LRRC4C: variants seen among roughly 807,000 people sequenced by gnomAD.
The protein encoded by LRRC4C is leucine-rich repeat-containing protein 4C.
LRRC4C carries 5 observed loss-of-function variants against 33.6 expected under a neutral mutation model. The ratio of observed to expected loss-of-function variants is 0.15; its 90% CI spans 0.08 to 0.31. LRRC4C has a LOEUF of 0.31. Among genes scored for constraint, LRRC4C ranks in the 10% least tolerant of loss-of-function variants. The probability of loss-of-function intolerance (pLI) is 1.00; values close to 1 mark genes in which losing one functional copy is unlikely to be tolerated. For synonymous variants in LRRC4C, 329 were observed against 302.0 expected, an observed-to-expected ratio of 1.09 and a Z score of -0.93; for missense variants, 560 against 796.7, an observed-to-expected ratio of 0.70 and a Z score of 3.58.
At chr11:40,451,963 C>A (rs532920641) in intron 3 of LRRC4C, among the ~76,000 whole-genome samples, 1 of 152,020 alleles carries the variant, frequency 6.6e-6, no homozygotes, top group South Asian at 2.1e-4. Flanking sequence ...GTGCAGCACA[C>A]AGAGCTTGAG....
In LRRC4C at chr11:40,633,353, CTTTCTTTCTTTCTT is replaced by C. The variant is rs1265772908; in HGVS notation, c.-270+14775_-270+14788del. Among the ~76,000 whole-genome samples the C allele has an allele frequency of 4.4e-3, 173 of 39,420 alleles. 2 individuals carry two copies. Among genetic ancestry groups the C allele is most frequent in the Middle Eastern group, 0.02 (2 of 102 alleles). The allele number at this position is 39,420 out of a possible 152,430, so 25.9% of individuals were successfully genotyped here. ...TCTTTCTTTCTTTCTTTCTTTCTTTCTTTCTTTCTTTCTTTCTTTCTCTCTCTTTCTTTCTTTCT... is the reference window on the plus strand; with the variant it reads ...TCTTTCTTTCTTTCTTTCTTTCTTTCTCTTTCTCTCTCTTTCTTTCTTTCT... On this transcript the variant is annotated intron_variant, in intron 3 of 6. Coordinates refer to ENST00000528697, the MANE Select transcript of LRRC4C (RefSeq NM_001258419.2).
chr11:41,018,957 C>T (rs1855774014), intron 1 of LRRC4C, among the ~76,000 whole-genome samples: 1 of 152,112 alleles, frequency 6.6e-6, no homozygotes, highest in Admixed American at 6.5e-5. Flanking sequence ...CATTTACAAA[C>T]CTATTACAAT....
At chr11:41,281,042 T>TTCTCCCTCTCTC (rs1949647373) in intron 1 of LRRC4C, among the ~76,000 whole-genome samples, 1 of 76,194 alleles carries the variant, frequency 1.3e-5, no homozygotes, top group Non-Finnish European at 2.3e-5. Flanking sequence ...AATACATATT[T>TTCTCCCTCTCTC]TCTCTCTCTC....
rs186673085 is a variant in LRRC4C, at chr11:41,147,178, T to G, written c.-495-213455A>C. Among the ~76,000 whole-genome samples the G allele has an allele frequency of 1.6e-3, 248 of 152,332 alleles. 1 individual carries two copies. Among genetic ancestry groups the G allele is most frequent in the African/African-American group, 5.7e-3 (237 of 41,584 alleles). On this transcript the variant is annotated intron_variant, in intron 1 of 6. Transcript: ENST00000528697. ...CTCTTTTTGGTATTCCATAAATGAT[T>G]CCCTTCTGAGTTGAGTGTTAACTAT...
At chr11:40,196,266 C>A (rs571718995) in intron 5 of LRRC4C, among the ~76,000 whole-genome samples, 2 of 152,254 alleles carry the variant, frequency 1.3e-5, no homozygotes, top group Admixed American at 1.3e-4. Flanking sequence ...ACCTGGGACA[C>A]ACAGGAACAA....
chr11:41,308,865 C>T (rs924096341), intron 1 of LRRC4C, among the ~76,000 whole-genome samples: 2 of 151,278 alleles, frequency 1.3e-5, no homozygotes, highest in Admixed American at 6.6e-5. Context: ...AGTGCAGTGG[C>T]GCAATCTTAG....
chr11:41,279,224 G>A (rs938304716), intron 1 of LRRC4C, among the ~76,000 whole-genome samples: 2 of 152,042 alleles, frequency 1.3e-5, no homozygotes, highest in African/African-American at 4.8e-5. Context: ...GGGCATCTAG[G>A]TTGATTCCAT....
chr11:40,226,568 T>C (rs192030552), intron 5 of LRRC4C, among the ~76,000 whole-genome samples: 287 of 152,282 alleles, frequency 1.9e-3, no homozygotes, highest in Admixed American at 3.9e-3. Flanking sequence ...TGCTTGAAAG[T>C]GGTCTGAGGC....
At chr11:41,448,521 G>T (rs1244372589) in intron 1 of LRRC4C, among the ~76,000 whole-genome samples, 1 of 151,908 alleles carries the variant, frequency 6.6e-6, no homozygotes, top group Non-Finnish European at 1.5e-5. Flanking sequence ...TGCCAAGCTG[G>T]TCTCTAACTC....
intron 1 of LRRC4C, among the ~76,000 whole-genome samples, chr11:41,278,273 A>ACGG (rs79727409): frequency 0.046 from 6,963 of 152,282 alleles, 199 homozygotes; most frequent in South Asian, 0.074. Context: ...TGTATACAGT[A>ACGG]CATCACTTAA....
chr11:40,992,432 T>A (rs1040152300), intron 1 of LRRC4C, among the ~76,000 whole-genome samples: 3 of 126,110 alleles, frequency 2.4e-5, no homozygotes, highest in African/African-American at 7.8e-5. Context: ...TAAACAAAAG[T>A]GGTTTTTTTT....
At chr11:40,473,083 G>T (rs1953024021) in intron 3 of LRRC4C, among the ~76,000 whole-genome samples, 1 of 152,010 alleles carries the variant, frequency 6.6e-6, no homozygotes, top group South Asian at 2.1e-4. Flanking sequence ...AAAAACAGGG[G>T]CTCCTCCCTA....
Position 40,359,474 on chromosome 11 carries a change from C to T in LRRC4C, c.-269-39753G>A, listed in dbSNP as rs373349213. ...TGAAACCTCAATGTTAATTTCACTGCTCATCAATTAAGCGCATCTCTTAAT... is the reference window on the plus strand; with the variant it reads ...TGAAACCTCAATGTTAATTTCACTGTTCATCAATTAAGCGCATCTCTTAAT... On this transcript the variant is annotated intron_variant, in intron 3 of 6. Coordinates refer to ENST00000528697, the MANE Select transcript of LRRC4C (RefSeq NM_001258419.2). 1.1e-4 allele frequency among the ~76,000 whole-genome samples: 16 copies of T among 152,310 alleles called. 1 individual carries two copies. The East Asian group carries it at 1.9e-3, about 18-fold the overall frequency.
At chr11:41,455,025 G>T (rs574759924) in intron 1 of LRRC4C, among the ~76,000 whole-genome samples, 3 of 152,068 alleles carry the variant, frequency 2.0e-5, no homozygotes, top group Admixed American at 1.3e-4. Flanking sequence ...GACAGCTAAG[G>T]CTTCATGAGA....
intron 4 of LRRC4C, among the ~76,000 whole-genome samples, chr11:40,304,837 T>C (rs2136693737): frequency 6.6e-6 from 1 of 151,962 alleles, no homozygotes; most frequent in Non-Finnish European, 1.5e-5. Context: ...GTTCAAGCAA[T>C]TCTCCTGCTT....
chr11:40,963,609 TG>T (rs1427289295), intron 1 of LRRC4C, among the ~76,000 whole-genome samples: 2 of 151,738 alleles, frequency 1.3e-5, no homozygotes, highest in Non-Finnish European at 3.0e-5. Flanking sequence ...TATTTTTCTG[TG>T]GGTCTATTAT....
At chr11:41,287,497 T>C (rs1460479013) in intron 1 of LRRC4C, among the ~76,000 whole-genome samples, 1 of 152,196 alleles carries the variant, frequency 6.6e-6, no homozygotes, top group Non-Finnish European at 1.5e-5. Flanking sequence ...CAATTACTTT[T>C]GCACCAATCT....
chr11:40,210,541 T>A (rs1863516964), intron 5 of LRRC4C, among the ~76,000 whole-genome samples: 1 of 152,168 alleles, frequency 6.6e-6, no homozygotes, highest in Non-Finnish European at 1.5e-5. Flanking sequence ...GCTGTCTTCT[T>A]CAAAGTTTTG....
chr11:40,966,643 C>A (rs1021532122), intron 1 of LRRC4C, among the ~76,000 whole-genome samples: 25 of 151,964 alleles, frequency 1.6e-4, no homozygotes, highest in African/African-American at 6.0e-4. Context: ...ACTGGACCAT[C>A]TGCCTGGGGT....
Sources: gnomAD v4.1 joint callset for allele counts (sites outside exome capture counted in the v4.1 genomes callset) on GRCh38, gnomAD v4.1.1 for gene constraint, MANE v1.5 for transcripts, NCBI Gene and HGNC (gene_info 2026-07-23, HGNC 2026-07-21) for gene names.